CAPN12: variants seen among roughly 807,000 people sequenced by gnomAD.
The protein encoded by CAPN12 is calpain 12.
A neutral mutation model predicts 95.0 loss-of-function variants in CAPN12; 107 were observed. That is an observed-to-expected ratio of 1.13 (90% CI 0.96 to 1.32). The LOEUF is 1.32. CAPN12 is among the 40% of genes most tolerant of loss of function. CAPN12 has a pLI of 0.00. For synonymous variants in CAPN12, 505 were observed against 415.5 expected, an observed-to-expected ratio of 1.22 and a Z score of -2.62; for missense variants, 1,136 against 997.8, an observed-to-expected ratio of 1.14 and a Z score of -1.87.
At chr19:38,736,797 C>A in intron 10 of CAPN12, 2 of 600,666 alleles carry the variant, frequency 3.3e-6, no homozygotes, top group South Asian at 4.1e-5. Flanking sequence ...CCCCTCTGGC[C>A]CTTCTAACCC....
chr19:38,731,319 CAG>C, intron 18 of CAPN12, 96 bp from the exon 19 acceptor site: 1 of 895,510 alleles, frequency 1.1e-6, no homozygotes. Context: ...ATGAATGCCA[CAG>C]GGTGTCACAC....
rs1307012738 is a variant in CAPN12 at position 38,737,486 on chromosome 19, T to C, written c.1118A>G (p.Gln373Arg). ...CCCTCAGGCCTCACCAGCATTAGGC[T>C]GGCTCCCGCCGGAGTTGAAGCCACG... is the stretch of plus-strand genomic sequence containing the variant. ...WVRGFNSGGS[Q>R]PNAETFWTNP... is the part of the protein sequence containing the mutation. Residue 373 changes from glutamine to arginine, a missense_variant, in exon 9 of 21, where the codon CAG becomes CGG. Transcript: ENST00000328867. The C allele has an allele frequency of 1.2e-6, 2 of 1,612,720 alleles. No homozygotes were observed.
Position 38,731,242 on chromosome 19 carries a change from T to TGAGCCCAGTGGCCCACAGG in CAPN12, c.1958-38_1958-20dup. ...TGGAAGCCTAGGGGGAGGCTGCTTC[T>TGAGCCCAGTGGCCCACAGG]GAGCCCAGTGGCCCACAGGGAACCC... On this transcript the variant is annotated intron_variant, in intron 18 of 20. Coordinates refer to ENST00000328867, the MANE Select transcript of CAPN12 (RefSeq NM_144691.4). The TGAGCCCAGTGGCCCACAGG allele has an allele frequency of 6.2e-7, 1 of 1,601,812 alleles. No individual in the cohort carries two copies. The highest frequency in any genetic ancestry group is 1.1e-5 in the South Asian group (1 of 90,830).
Position 38,731,099 on chromosome 19 carries a change from G to A in CAPN12, c.2074+8C>T, listed in dbSNP as rs766957695. On this transcript the variant is annotated splice_region_variant and intron_variant, in intron 19 of 20. Transcript: ENST00000328867. Reference sequence around the variant, plus strand: ...CCCCATGCCCCACCATGCCGGGGTGGTACTCACAGAAGATGCAGGTGAGGT... The same window carrying A: ...CCCCATGCCCCACCATGCCGGGGTGATACTCACAGAAGATGCAGGTGAGGT... The A allele has an allele frequency of 6.2e-7, 1 of 1,608,172 alleles. No individual in the cohort carries two copies. The highest frequency in any genetic ancestry group is 1.7e-5 in the Admixed American group (1 of 59,414).
At chr19:38,735,900 G>T (rs1329311112) in intron 12 of CAPN12, among the ~76,000 whole-genome samples, 4 of 4,264 alleles carry the variant, frequency 9.4e-4, no homozygotes, top group Non-Finnish European at 1.0e-3. Context: ...GGCGGGGCGG[G>T]GGTTCTGGGG....
chr19:38,734,811 A>G lies in CAPN12; in HGVS notation c.1744+2T>C. The G allele has an allele frequency of 6.2e-7, 1 of 1,612,124 alleles. No homozygotes were observed. Among genetic ancestry groups the G allele is most frequent in the Non-Finnish European group, 8.5e-7 (1 of 1,179,600 alleles). On this transcript the variant is annotated splice_donor_variant, in intron 15 of 20. Coordinates refer to ENST00000328867, the MANE Select transcript of CAPN12 (RefSeq NM_144691.4). LOFTEE classifies it high-confidence loss of function. ...CTCCTGCCCCTATCCCAGCCAACTC[A>G]CCAGGCTCCAGGGCAATGCTTAGTA...
chr19:38,733,949 TG>T, intron 17 of CAPN12, 168 bp from the exon 18 acceptor site: 1 of 789,830 alleles, frequency 1.3e-6, no homozygotes, highest in Non-Finnish European at 2.0e-6. Context: ...ATCTGTAAAA[TG>T]GGAATAAGAG....
intron 1 of CAPN12, 47 bp downstream of exon 1, chr19:38,743,882 C>A (rs527578571): frequency 6.3e-7 from 1 of 1,580,154 alleles, no homozygotes; most frequent in Admixed American, 1.7e-5. Context: ...ATGCCTCCAG[C>A]CCCTCCTCCC....
At chr19:38,738,855 G>A (rs370285648) in intron 5 of CAPN12, 1 of 599,498 alleles carries the variant, frequency 1.7e-6, no homozygotes, top group East Asian at 2.8e-5. Context: ...AAAGGAGATG[G>A]AGGTACGGGC....
At chr19:38,733,560 G>T in intron 18 of CAPN12, 143 bp downstream of exon 18, 1 of 711,512 alleles carries the variant, frequency 1.4e-6, no homozygotes. Context: ...CCCAACCCCT[G>T]CCAGGGACTG....
rs1427012153 is a variant in CAPN12, at chr19:38,738,299, C to G, written c.939G>C (p.Leu313=). The G allele has an allele frequency of 3.6e-5, 58 of 1,612,136 alleles. No homozygotes were observed. The highest frequency in any genetic ancestry group is 4.7e-5 in the Non-Finnish European group (56 of 1,180,026). Reference sequence around the variant, plus strand: ...AGAACTCGCCATCCTCCTTTTTCACCAGCAGGGCATCGCGGCACTCGGTGG... The same window carrying G: ...AGAACTCGCCATCCTCCTTTTTCACGAGCAGGGCATCGCGGCACTCGGTGG... ...TLPTECRDAL[L]VKKEDGEFWM... The change falls in exon 8 of 21, where the codon CTG becomes CTC. Residue 313 remains leucine (L), a synonymous_variant. Coordinates refer to ENST00000328867, the MANE Select transcript of CAPN12 (RefSeq NM_144691.4).
In CAPN12 at chr19:38,744,405, C is replaced by G; in HGVS notation, c.-240G>C. Reference sequence around the variant, plus strand: ...GCAGCTTAATGGGCTTGGCCAGCAGCAGGAGAGAAGGCGGGCAGAGCTGAG... The same window carrying G: ...GCAGCTTAATGGGCTTGGCCAGCAGGAGGAGAGAAGGCGGGCAGAGCTGAG... On this transcript the variant is annotated 5_prime_UTR_variant, in exon 1 of 21. Coordinates refer to ENST00000328867, the MANE Select transcript of CAPN12 (RefSeq NM_144691.4). The G allele has an allele frequency of 1.7e-6, 1 of 576,294 alleles. No homozygotes were observed. Among genetic ancestry groups the G allele is most frequent in the South Asian group, 2.0e-5 (1 of 49,022 alleles). The allele number at this position is 576,294 out of a possible 1,614,324, so 35.7% of individuals were successfully genotyped here.
intron 1 of CAPN12, among the ~76,000 whole-genome samples, chr19:38,743,429 A>G (rs112958563): frequency 1.2e-4 from 10 of 86,494 alleles, no homozygotes; most frequent in African/African-American, 1.8e-4. Context: ...CCTCAGACCC[A>G]GGAGTCCAGG....
intron 17 of CAPN12, 111 bp downstream of exon 17, chr19:38,734,031 C>A (rs1969826483): frequency 1.6e-6 from 2 of 1,216,282 alleles, no homozygotes; most frequent in Admixed American, 2.2e-5. Flanking sequence ...CCAAGTCAGC[C>A]TAGTCCAGTA....
rs58154433 is a variant in CAPN12 at position 38,739,710 on chromosome 19, CTTTTTTTTTT to C, written c.729+331_729+340del. On this transcript the variant is annotated intron_variant, in intron 5 of 20. Coordinates refer to ENST00000328867, the MANE Select transcript of CAPN12 (RefSeq NM_144691.4). ...TTACTGAAATTCTCAGAAAGAGGCA[CTTTTTTTTTT>C]TTTTTTTAAATAAACCCTAGGGTGG... 1,355 of 151,604 alleles carry C rather than the reference CTTTTTTTTTT, an allele frequency of 8.9e-3. 20 individuals are homozygous for C. The highest frequency in any genetic ancestry group is 0.034 in the African/African-American group (1,302 of 38,132). 9.4% of individuals were successfully genotyped at this position (151,604 alleles called of 1,614,324 possible). A position where few individuals can be genotyped will look rare whatever the true frequency, so the allele number is the denominator to read the frequency against.
Position 38,736,321 on chromosome 19 carries a change from G to A in CAPN12, c.1375-3C>T, listed in dbSNP as rs1198613324. On this transcript the variant is annotated splice_polypyrimidine_tract_variant and splice_region_variant and intron_variant, in intron 11 of 20. Transcript: ENST00000328867. ...GGGGAATCCCAGAGGCCCAGCAGCT[G>A]GGGACGGGGCGGCATGACCACGGAC... is the stretch of plus-strand genomic sequence containing the variant. 4 of 1,446,878 alleles carry A rather than the reference G, an allele frequency of 2.8e-6. No individual in the cohort carries two copies. The highest frequency in any genetic ancestry group is 3.6e-6 in the Non-Finnish European group (4 of 1,102,336). The allele number at this position is 1,446,878 out of a possible 1,614,324, so 89.6% of individuals were successfully genotyped here.
In CAPN12 at chr19:38,736,574, C is replaced by G; in HGVS notation, c.1363-11G>C. On this transcript the variant is annotated splice_polypyrimidine_tract_variant and intron_variant, in intron 10 of 20. Transcript: ENST00000328867. The stretch of plus-strand genomic sequence containing the variant: ...CACCTCCTCTGGAATCTGAAAGAAG[C>G]AAGAGCAAGGGGCGTCGGGGCAGGG... The G allele has an allele frequency of 1.3e-6, 2 of 1,557,690 alleles. No individual in the cohort carries two copies. Among genetic ancestry groups the G allele is most frequent in the Non-Finnish European group, 1.7e-6 (2 of 1,150,638 alleles).
chr19:38,738,756 A>G, intron 5 of CAPN12, 108 bp from the exon 6 acceptor site: 1 of 885,582 alleles, frequency 1.1e-6, no homozygotes, highest in Non-Finnish European at 1.8e-6. Flanking sequence ...AGAGCACTGA[A>G]CTGAATGGCA....
At chr19:38,738,200 C>T in intron 8 of CAPN12, 73 bp downstream of exon 8, 1 of 1,499,692 alleles carries the variant, frequency 6.7e-7, no homozygotes, top group Admixed American at 1.8e-5. Context: ...CATCCTTCAA[C>T]TGGGGCTCGC....
Sources: allele counts gnomAD v4.1 joint callset (sites outside exome capture counted in the v4.1 genomes callset), GRCh38; gene constraint gnomAD v4.1.1; transcripts MANE v1.5; gene names NCBI Gene and HGNC (gene_info 2026-07-23, HGNC 2026-07-21).